Variants in CHRM2 observed in about 807,000 individuals in gnomAD.
CHRM2 encodes the protein muscarinic acetylcholine receptor M2.
Under a neutral mutation model 25.0 loss-of-function variants are expected in CHRM2, and 8 were observed. That is an observed-to-expected ratio of 0.32 (90% CI 0.19 to 0.58). The LOEUF is 0.58. Among genes scored for constraint, CHRM2 ranks in the 20% least tolerant of loss-of-function variants. CHRM2 has a pLI of 0.88. For synonymous variants in CHRM2, 202 were observed against 205.7 expected (o/e 0.98, Z 0.15); for missense variants, 440 against 567.1 (o/e 0.78, Z 2.28).
At chr7:136,950,782 C>CTTG (rs1800360675) in intron 2 of CHRM2, among the ~76,000 whole-genome samples, 2 of 143,878 alleles carry the variant, frequency 1.4e-5, no homozygotes, top group Non-Finnish European at 3.1e-5. Flanking sequence ...GAACCCCCAA[C>CTTG]CTGTTGTTGT....
intron 2 of CHRM2, among the ~76,000 whole-genome samples, chr7:136,958,893 C>A (rs1431435132): frequency 2.6e-5 from 4 of 152,152 alleles, no homozygotes; most frequent in South Asian, 2.1e-4. Context: ...AAGTGATTAC[C>A]TCTTCAGTTG....
At chr7:136,964,154 T>C (rs1476658643) in intron 2 of CHRM2, among the ~76,000 whole-genome samples, 1 of 152,162 alleles carries the variant, frequency 6.6e-6, no homozygotes, top group African/African-American at 2.4e-5. Flanking sequence ...ATTCTGACAG[T>C]AGAAAATTTT....
intron 3 of CHRM2, among the ~76,000 whole-genome samples, chr7:137,013,925 C>T (rs889856445): frequency 2.6e-5 from 4 of 151,924 alleles, no homozygotes; most frequent in Non-Finnish European, 4.4e-5. Flanking sequence ...AGCCTTAGTT[C>T]CTTCTACAAA....
intron 3 of CHRM2, among the ~76,000 whole-genome samples, chr7:136,997,317 T>C (rs1362383234): frequency 6.6e-6 from 1 of 152,130 alleles, no homozygotes; most frequent in Non-Finnish European, 1.5e-5. Context: ...CAATGGAAAA[T>C]ATATTGATAC....
At chr7:136,922,125 G>A (rs1288123059) in intron 2 of CHRM2, among the ~76,000 whole-genome samples, 6 of 152,088 alleles carry the variant, frequency 3.9e-5, no homozygotes, top group African/African-American at 1.4e-4. Context: ...CTGACCCCTG[G>A]GAGATGCTCA....
intron 2 of CHRM2, chr7:136,899,140 T>C (rs1026972338): frequency 4.6e-5 from 7 of 152,110 alleles, no homozygotes; most frequent in African/African-American, 1.7e-4. Flanking sequence ...ATTACAATCA[T>C]GTAATTTTAA....
At chr7:136,978,678 C>G (rs1802275765) in intron 2 of CHRM2, among the ~76,000 whole-genome samples, 1 of 152,134 alleles carries the variant, frequency 6.6e-6, no homozygotes, top group South Asian at 2.1e-4. Flanking sequence ...TCAACTCCCA[C>G]TTATGAGTGA....
At chr7:136,914,792 A>C (rs552927497) in intron 2 of CHRM2, among the ~76,000 whole-genome samples, 1 of 152,062 alleles carries the variant, frequency 6.6e-6, no homozygotes, top group South Asian at 2.1e-4. Context: ...TAGCTGAGAT[A>C]ATGCAAATGA....
At chr7:137,000,536 A>G (rs1169641517) in intron 3 of CHRM2, among the ~76,000 whole-genome samples, 4 of 40,890 alleles carry the variant, frequency 9.8e-5, no homozygotes, top group East Asian at 4.5e-4. Flanking sequence ...AGAAAGAAAG[A>G]AAAGAAAGAA....
chr7:136,883,570 A>G (rs185740658), intron 2 of CHRM2, among the ~76,000 whole-genome samples: 98 of 152,270 alleles, frequency 6.4e-4, no homozygotes, highest in African/African-American at 2.1e-3. Flanking sequence ...TCAACCTACA[A>G]TGAATACTTC....
Position 136,994,302 on chromosome 7 carries a change from G to A in CHRM2, c.-47+2038G>A, listed in dbSNP as rs371289145. ...TTTTGTATCCATGCTTACTGCAGAT[G>A]TCATCATTAGTGGTCATTCCATATG... On this transcript the variant is annotated intron_variant, in intron 3 of 3. Coordinates refer to ENST00000680005, the MANE Select transcript of CHRM2 (RefSeq NM_001006630.2). Among the ~76,000 whole-genome samples the A allele has an allele frequency of 9.2e-5, 14 of 152,276 alleles. No homozygotes were observed. The East Asian group carries it at 2.1e-3, about 23-fold the overall frequency.
chr7:137,000,332 G>A lies in CHRM2; in HGVS notation c.-47+8068G>A, dbSNP rs573644385. On this transcript the variant is annotated intron_variant, in intron 3 of 3. Coordinates refer to ENST00000680005, the MANE Select transcript of CHRM2 (RefSeq NM_001006630.2). ...TCCTGCCTCACCCACCAGAGTAGCC[G>A]GGATTATAAATGCCCGCCACTATGC... 1.5e-3 allele frequency among the ~76,000 whole-genome samples: 224 copies of A among 148,770 alleles called. 1 individual carries two copies. Among genetic ancestry groups the A allele is most frequent in the African/African-American group, 5.2e-3 (210 of 40,708 alleles).
intron 2 of CHRM2, among the ~76,000 whole-genome samples, chr7:136,966,397 T>C (rs1801418165): frequency 2.0e-5 from 3 of 151,994 alleles, no homozygotes; most frequent in Admixed American, 2.0e-4. Context: ...GATGTTATGT[T>C]AGTTCCTATT....
At chr7:136,880,706 GCC>G (rs1215473750) in intron 2 of CHRM2, among the ~76,000 whole-genome samples, 5 of 151,266 alleles carry the variant, frequency 3.3e-5, no homozygotes, top group African/African-American at 1.2e-4. Context: ...AAACCTTTTG[GCC>G]CCACACACAC....
At chr7:136,896,273 C>G (rs1796898480) in intron 2 of CHRM2, among the ~76,000 whole-genome samples, 1 of 152,096 alleles carries the variant, frequency 6.6e-6, no homozygotes, top group South Asian at 2.1e-4. Context: ...AAGTCAGTAT[C>G]AGTTTTCTGT....
At chr7:136,984,539 A>G (rs1257633153) in intron 2 of CHRM2, among the ~76,000 whole-genome samples, 1 of 151,968 alleles carries the variant, frequency 6.6e-6, no homozygotes, top group African/African-American at 2.4e-5. Context: ...AGGGCTGCCC[A>G]GTTTTGTGCT....
intron 3 of CHRM2, among the ~76,000 whole-genome samples, chr7:137,006,936 AC>A (rs1472723159): frequency 1.3e-5 from 2 of 152,082 alleles, no homozygotes; most frequent in Admixed American, 1.3e-4. Flanking sequence ...GTGCTTTTGA[AC>A]CTACAGGTTG....
intron 2 of CHRM2, among the ~76,000 whole-genome samples, chr7:136,882,065 T>A (rs148550564): frequency 2.7e-3 from 407 of 152,162 alleles, no homozygotes; most frequent in Non-Finnish European, 4.6e-3. Context: ...GTAAGGGAAG[T>A]CCTAAGAGGT....
At chr7:136,973,983 C>A (rs536291861) in intron 2 of CHRM2, among the ~76,000 whole-genome samples, 4 of 152,040 alleles carry the variant, frequency 2.6e-5, no homozygotes, top group African/African-American at 9.7e-5. Flanking sequence ...GTGAAATTGC[C>A]TTTCTTGAGA....
Sources: allele counts gnomAD v4.1 joint callset (sites outside exome capture counted in the v4.1 genomes callset), GRCh38; gene constraint gnomAD v4.1.1; transcripts MANE v1.5; gene names NCBI Gene and HGNC (gene_info 2026-07-23, HGNC 2026-07-21).